MRPS27: variants seen among roughly 807,000 people sequenced by gnomAD.
MRPS27 encodes small ribosomal subunit protein mS27.
MRPS27 carries 43 observed loss-of-function variants against 48.9 expected under a neutral mutation model. The observed-to-expected ratio is 0.88, with a 90% CI of 0.69 to 1.13. The LOEUF is 1.13. MRPS27 is among the 50% of genes most tolerant of loss of function. The probability of loss-of-function intolerance (pLI) is 0.00; values close to 1 mark genes in which losing one functional copy is unlikely to be tolerated. For missense variants in MRPS27, 467 were observed against 476.3 expected (o/e 0.98, Z 0.18); for synonymous variants, 188 against 171.9 (o/e 1.09, Z -0.73).
intron 4 of MRPS27, among the ~76,000 whole-genome samples, chr5:72,266,149 T>G (rs1450346343): frequency 6.6e-6 from 1 of 152,092 alleles, no homozygotes; most frequent in African/African-American, 2.4e-5. Context: ...TATTAGAAGT[T>G]AATCATGAAG....
intron 5 of MRPS27, among the ~76,000 whole-genome samples, chr5:72,235,781 C>G (rs930249849): frequency 6.6e-6 from 1 of 152,178 alleles, no homozygotes; most frequent in Non-Finnish European, 1.5e-5. Flanking sequence ...CTTCCTAGAA[C>G]AGCACTTGCT....
intron 4 of MRPS27, chr5:72,241,674 G>A (rs1748354413): frequency 1.3e-6 from 2 of 1,535,504 alleles, no homozygotes; most frequent in South Asian, 1.2e-5. Flanking sequence ...ATTGCTGGAT[G>A]AGCATTCTCC....
chr5:72,239,027 G>A (rs11956209), intron 4 of MRPS27, among the ~76,000 whole-genome samples: 136,389 of 152,152 alleles, frequency 0.9, 61,415 homozygotes, highest in South Asian at 0.96. Context: ...ACCCTCATAT[G>A]CTATACTATA....
intron 2 of MRPS27, among the ~76,000 whole-genome samples, chr5:72,312,771 C>A (rs1750474010): frequency 1.3e-5 from 2 of 151,896 alleles, no homozygotes; most frequent in South Asian, 4.2e-4. Context: ...CAGATGCCTG[C>A]CACTGCGCCC....
At chr5:72,226,385 TA>T in intron 8 of MRPS27, 186 bp from the exon 9 acceptor site, 1 of 640,702 alleles carries the variant, frequency 1.6e-6, no homozygotes, top group South Asian at 2.2e-5. Context: ...ACGAATGTGG[TA>T]AAATTCACTG....
intron 4 of MRPS27, among the ~76,000 whole-genome samples, chr5:72,289,255 C>A (rs1749755848): frequency 1.3e-5 from 2 of 152,174 alleles, no homozygotes; most frequent in African/African-American, 4.8e-5. Flanking sequence ...ATCTGAACTT[C>A]CTTTCTTACT....
intron 5 of MRPS27, among the ~76,000 whole-genome samples, chr5:72,237,751 T>C (rs1040758557): frequency 6.6e-6 from 1 of 151,974 alleles, no homozygotes; most frequent in African/African-American, 2.4e-5. Context: ...GAGAATGAAA[T>C]GACCACCACT....
At chr5:72,273,831 T>G (rs1749307707) in intron 4 of MRPS27, among the ~76,000 whole-genome samples, 2 of 152,108 alleles carry the variant, frequency 1.3e-5, no homozygotes, top group South Asian at 4.1e-4. Context: ...TACACTAAAT[T>G]TATGGAAAGA....
chr5:72,259,203 C>G (rs1374715561), intron 4 of MRPS27, among the ~76,000 whole-genome samples: 1 of 152,172 alleles, frequency 6.6e-6, no homozygotes, highest in African/African-American at 2.4e-5. Flanking sequence ...GGCATGGTGG[C>G]TCAGCCTGTA....
chr5:72,228,800 C>T (rs569380222), intron 7 of MRPS27: 1 of 154,050 alleles, frequency 6.5e-6, no homozygotes, highest in Non-Finnish European at 1.4e-5. Context: ...ATGGAACAAG[C>T]TTTTGAATTT....
At chr5:72,302,791 T>G (rs1021607309) in intron 2 of MRPS27, among the ~76,000 whole-genome samples, 2 of 152,168 alleles carry the variant, frequency 1.3e-5, no homozygotes, top group African/African-American at 4.8e-5. Flanking sequence ...CCAATACTTG[T>G]AAGATGAGAA....
At chr5:72,306,379 G>C (rs1019468484) in intron 2 of MRPS27, among the ~76,000 whole-genome samples, 8 of 152,168 alleles carry the variant, frequency 5.3e-5, no homozygotes, top group African/African-American at 1.9e-4. Context: ...TTACTATGAA[G>C]TATTTATACC....
intron 4 of MRPS27, among the ~76,000 whole-genome samples, chr5:72,247,711 G>A (rs1431246754): frequency 1.3e-5 from 2 of 152,132 alleles, no homozygotes; most frequent in Admixed American, 6.5e-5. Context: ...AAATATTTCA[G>A]TGCAATTCAT....
At chr5:72,291,634 A>T (rs1171241463) in intron 4 of MRPS27, among the ~76,000 whole-genome samples, 1 of 152,266 alleles carries the variant, frequency 6.6e-6, no homozygotes, top group Non-Finnish European at 1.5e-5. Context: ...GCCTACATTC[A>T]TAAATGAAAG....
intron 4 of MRPS27, among the ~76,000 whole-genome samples, chr5:72,271,889 TA>T (rs969551168): frequency 1.3e-5 from 2 of 152,180 alleles, no homozygotes; most frequent in Admixed American, 1.3e-4. Flanking sequence ...GCAGGGCTCA[TA>T]AAAATTATAT....
At chr5:72,243,792 T>C (rs1035977485) in intron 4 of MRPS27, among the ~76,000 whole-genome samples, 8 of 152,190 alleles carry the variant, frequency 5.3e-5, no homozygotes, top group Admixed American at 1.3e-4. Flanking sequence ...TTTAAAAAAT[T>C]AAAGTCAAGT....
chr5:72,245,007 G>C (rs77204649), intron 4 of MRPS27, among the ~76,000 whole-genome samples: 1 of 152,186 alleles, frequency 6.6e-6, no homozygotes, highest in Admixed American at 6.5e-5. Flanking sequence ...GATAACCAGG[G>C]AGGATTACTT....
intron 4 of MRPS27, among the ~76,000 whole-genome samples, chr5:72,277,607 A>G (rs941866763): frequency 2.6e-5 from 4 of 152,174 alleles, no homozygotes; most frequent in Non-Finnish European, 4.4e-5. Flanking sequence ...CGTCTCAAAA[A>G]AAAAGAAAAG....
At chr5:72,279,403 A>G (rs1420111379) in intron 4 of MRPS27, among the ~76,000 whole-genome samples, 1 of 152,158 alleles carries the variant, frequency 6.6e-6, no homozygotes, top group Non-Finnish European at 1.5e-5. Context: ...CTGGTCTTTT[A>G]ATTTTGTTAC....
Sources: allele counts gnomAD v4.1 joint callset (sites outside exome capture counted in the v4.1 genomes callset), GRCh38; gene constraint gnomAD v4.1.1; transcripts MANE v1.5; gene names NCBI Gene and HGNC (gene_info 2026-07-23, HGNC 2026-07-21).